The following SPMIP2 variants were observed in gnomAD, a reference collection of about 807,000 sequenced individuals.
The protein encoded by SPMIP2 is protein SPMIP2.
chr4:158,905,537 A>G, the SPMIP2 span: 8 of 152,340 alleles, frequency 5.3e-5, no homozygotes, highest in East Asian at 1.5e-3. Flanking sequence ...TAATGAAAGC[A>G]ATTAGCTTGA....
the SPMIP2 span, among the ~76,000 whole-genome samples, chr4:158,935,550 T>C: frequency 6.6e-6 from 1 of 152,246 alleles, no homozygotes; most frequent in Non-Finnish European, 1.5e-5. Context: ...TTGTGCTTGT[T>C]TCTCTAATGA....
chr4:158,893,574 A>C, the SPMIP2 span: 1 of 748,258 alleles, frequency 1.3e-6, no homozygotes, highest in South Asian at 2.0e-5. Context: ...GCTGAAGCGT[A>C]CTCTTGCAAG....
At chr4:158,949,658 C>T in the SPMIP2 span, among the ~76,000 whole-genome samples, 833 of 152,288 alleles carry the variant, frequency 5.5e-3, 10 homozygotes, top group African/African-American at 0.019. Flanking sequence ...TTCCTTCCAG[C>T]AAAACTTTGT....
At chr4:158,963,785 A>G in the SPMIP2 span, among the ~76,000 whole-genome samples, 1 of 152,196 alleles carries the variant, frequency 6.6e-6, no homozygotes, top group Non-Finnish European at 1.5e-5. Flanking sequence ...TCTTAAAAAG[A>G]TCTAGGCTCT....
the SPMIP2 span, among the ~76,000 whole-genome samples, chr4:158,939,039 C>T: frequency 6.6e-6 from 1 of 152,158 alleles, no homozygotes; most frequent in Non-Finnish European, 1.5e-5. Context: ...TAAACCAAGT[C>T]CAGTTTCTCT....
the SPMIP2 span, among the ~76,000 whole-genome samples, chr4:159,012,217 A>G: frequency 1.3e-5 from 2 of 152,200 alleles, no homozygotes; most frequent in Non-Finnish European, 2.9e-5. Context: ...CAACCAGGGC[A>G]ACATAGTGAG....
At chr4:159,020,777 G>T in the SPMIP2 span, among the ~76,000 whole-genome samples, 1 of 151,946 alleles carries the variant, frequency 6.6e-6, no homozygotes, top group Admixed American at 6.6e-5. Flanking sequence ...TGTTTTTGTT[G>T]TTGAGACGGT....
At chr4:158,947,943 A>G in the SPMIP2 span, among the ~76,000 whole-genome samples, 1 of 152,336 alleles carries the variant, frequency 6.6e-6, no homozygotes, top group South Asian at 2.1e-4. Context: ...ATACATGTAG[A>G]TAATACATGT....
the SPMIP2 span, among the ~76,000 whole-genome samples, chr4:159,002,146 C>T: frequency 0.34 from 52,352 of 151,904 alleles, 9,493 homozygotes; most frequent in Middle Eastern, 0.41. Context: ...ATCCTTATCA[C>T]TTGCCCACTT....
the SPMIP2 span, among the ~76,000 whole-genome samples, chr4:158,936,692 CT>C: frequency 1.3e-5 from 2 of 152,248 alleles, no homozygotes; most frequent in Non-Finnish European, 2.9e-5. Context: ...AAGACCTCTG[CT>C]CTTTAAAGAT....
At chr4:158,975,375 T>G in the SPMIP2 span, among the ~76,000 whole-genome samples, 1 of 152,228 alleles carries the variant, frequency 6.6e-6, no homozygotes, top group South Asian at 2.1e-4. Context: ...TATTTGCCCA[T>G]GCCTATGTCC....
the SPMIP2 span, among the ~76,000 whole-genome samples, chr4:159,063,223 C>T: frequency 3.9e-5 from 6 of 152,128 alleles, no homozygotes; most frequent in South Asian, 1.0e-3. Flanking sequence ...ATAAAACCTC[C>T]ACTGACTCAG....
the SPMIP2 span, among the ~76,000 whole-genome samples, chr4:158,902,557 G>GT: frequency 0.032 from 4,798 of 152,300 alleles, 110 homozygotes; most frequent in Non-Finnish European, 0.048. Context: ...AGGCAGGGAT[G>GT]TTTAAGTCTG....
At chr4:159,065,448 T>G in the SPMIP2 span, among the ~76,000 whole-genome samples, 1 of 152,182 alleles carries the variant, frequency 6.6e-6, no homozygotes, top group Admixed American at 6.5e-5. Flanking sequence ...CTGGGTGTGT[T>G]GGCTCACACC....
At chr4:159,015,072 C>T in the SPMIP2 span, among the ~76,000 whole-genome samples, 3 of 152,164 alleles carry the variant, frequency 2.0e-5, no homozygotes, top group East Asian at 1.9e-4. Context: ...TTTGGGGTTT[C>T]GTAAGTCCTG....
At chr4:158,954,444 G>A in the SPMIP2 span, among the ~76,000 whole-genome samples, 1 of 152,174 alleles carries the variant, frequency 6.6e-6, no homozygotes, top group East Asian at 1.9e-4. Context: ...CCAGCCTCAA[G>A]TATGTCTTTA....
At chr4:158,975,600 G>A in the SPMIP2 span, among the ~76,000 whole-genome samples, 5 of 152,208 alleles carry the variant, frequency 3.3e-5, no homozygotes. Flanking sequence ...TCAAAGATCA[G>A]ATGGTTGTAG....
the SPMIP2 span, among the ~76,000 whole-genome samples, chr4:158,961,628 G>A: frequency 2.6e-5 from 4 of 152,062 alleles, no homozygotes; most frequent in Non-Finnish European, 5.9e-5. Context: ...GCAGGACTTG[G>A]ATGATCTTTA....
chr4:159,015,491 C>T, the SPMIP2 span, among the ~76,000 whole-genome samples: 1 of 152,130 alleles, frequency 6.6e-6, no homozygotes, highest in Admixed American at 6.6e-5. Context: ...ATATAACTTC[C>T]TCCCTTTTGA....
Sources: gnomAD v4.1 joint callset for allele counts (sites outside exome capture counted in the v4.1 genomes callset) on GRCh38, gnomAD v4.1.1 for gene constraint, MANE v1.5 for transcripts, NCBI Gene and HGNC (gene_info 2026-07-23, HGNC 2026-07-21) for gene names.